The following RALGAPA2 variants were observed in gnomAD, a reference collection of about 807,000 sequenced individuals.
The protein encoded by RALGAPA2 is ral GTPase-activating protein subunit alpha-2.
RALGAPA2 carries 139 observed loss-of-function variants against 230.4 expected under a neutral mutation model. The ratio of observed to expected loss-of-function variants is 0.60; its 90% CI spans 0.53 to 0.69. The LOEUF is 0.69. Ranked by LOEUF, RALGAPA2 falls within the 30% of genes least tolerant of loss-of-function variation. The probability of loss-of-function intolerance (pLI) is 0.00; values close to 1 mark genes in which losing one functional copy is unlikely to be tolerated. For synonymous variants in RALGAPA2, 847 were observed against 837.8 expected (o/e 1.01, Z -0.19); for missense variants, 2,163 against 2,276.0 (o/e 0.95, Z 1.01).
In RALGAPA2 at chr20:20,535,794, T is replaced by C. The variant is rs2063481457; in HGVS notation, c.3424A>G (p.Ile1142Val). The C allele has an allele frequency of 6.5e-7, 1 of 1,547,468 alleles. No homozygotes were observed. Among genetic ancestry groups the C allele is most frequent in the East Asian group, 2.5e-5 (1 of 40,816 alleles). The change falls in exon 26 of 40, where the codon ATA (isoleucine) becomes GTA (valine). Residue 1142 changes from isoleucine (I) to valine (V), a missense_variant. Transcript: ENST00000202677. ...TGTEDVKHYL[I>V]NILLKNATEE... The stretch of plus-strand genomic sequence containing the variant: ...GTGGCATTCTTCAGTAAAATATTTA[T>C]GAGGTAATGCTAAAAACACAAAATT...
At chr20:20,556,711 T>TA (rs143022004) in intron 23 of RALGAPA2, among the ~76,000 whole-genome samples, 4,965 of 152,260 alleles carry the variant, frequency 0.033, 99 homozygotes, top group South Asian at 0.061. Flanking sequence ...GACACATGTG[T>TA]AAGGTGCTCT....
At chr20:20,525,666 G>C (rs891300917) in intron 28 of RALGAPA2, among the ~76,000 whole-genome samples, 2 of 152,172 alleles carry the variant, frequency 1.3e-5, no homozygotes, top group Non-Finnish European at 1.5e-5. Flanking sequence ...GGACACCTAC[G>C]GGAGTGAAGC....
At chr20:20,580,021 A>C (rs1307058696) in intron 20 of RALGAPA2, among the ~76,000 whole-genome samples, 1 of 152,164 alleles carries the variant, frequency 6.6e-6, no homozygotes, top group Non-Finnish European at 1.5e-5. Context: ...TGTCCTTTTT[A>C]TAAGCTCTTA....
intron 37 of RALGAPA2, among the ~76,000 whole-genome samples, chr20:20,423,882 C>T (rs181364172): frequency 6.6e-6 from 1 of 152,160 alleles, no homozygotes; most frequent in Non-Finnish European, 1.5e-5. Flanking sequence ...CCTAATGATA[C>T]ACTCCTGGAG....
At chr20:20,625,810 G>T (rs1179274405) in intron 10 of RALGAPA2, among the ~76,000 whole-genome samples, 1 of 152,178 alleles carries the variant, frequency 6.6e-6, no homozygotes, top group African/African-American at 2.4e-5. Flanking sequence ...CAGTGACCAG[G>T]ACTGCCTACA....
chr20:20,692,687 A>C (rs2068956843), intron 1 of RALGAPA2, among the ~76,000 whole-genome samples: 1 of 152,196 alleles, frequency 6.6e-6, no homozygotes, highest in South Asian at 2.1e-4. Context: ...GATTTTAAGG[A>C]AGAAGTGTGC....
chr20:20,394,881 T>C (rs1422494404), intron 39 of RALGAPA2, among the ~76,000 whole-genome samples: 2 of 2,572 alleles, frequency 7.8e-4, no homozygotes, highest in African/African-American at 1.4e-3. Context: ...TTGATTCTAA[T>C]AAATAAGCAA....
At chr20:20,640,047 A>G in intron 6 of RALGAPA2, 147 bp from the exon 7 acceptor site, 2 of 617,560 alleles carry the variant, frequency 3.2e-6, no homozygotes, top group Non-Finnish European at 5.7e-6. Flanking sequence ...GGCAGTGTGC[A>G]TAAAGGGCCT....
At chr20:20,547,817 A>T (rs1375189305) in intron 23 of RALGAPA2, among the ~76,000 whole-genome samples, 1 of 152,214 alleles carries the variant, frequency 6.6e-6, no homozygotes, top group Non-Finnish European at 1.5e-5. Flanking sequence ...TCATCTTGTG[A>T]ACATCATAGA....
In RALGAPA2 at chr20:20,637,472, C is replaced by G; in HGVS notation, c.696G>C (p.Glu232Asp). The G allele has an allele frequency of 6.4e-7, 1 of 1,569,410 alleles. No individual in the cohort carries two copies. The highest frequency in any genetic ancestry group is 8.7e-7 in the Non-Finnish European group (1 of 1,155,364). Residue 232 changes from glutamate to aspartate, a missense_variant, in exon 8 of 40, where the codon GAG (glutamate) becomes GAC (aspartate). Coordinates refer to ENST00000202677, the MANE Select transcript of RALGAPA2 (RefSeq NM_020343.4). The part of the protein sequence containing the change: ...QAASLEWKNK[E>D]NQDTGFKFLF... ...GAAATTTAAAACCAGTATCTTGATTCTCCTTATTCTTCCACTCCAAGCTCG... is the reference window on the plus strand; with the variant it reads ...GAAATTTAAAACCAGTATCTTGATTGTCCTTATTCTTCCACTCCAAGCTCG...
chr20:20,573,005 T>C lies in RALGAPA2; in HGVS notation c.2771A>G (p.His924Arg), dbSNP rs200355019. 4 of 1,610,584 alleles carry C rather than the reference T, an allele frequency of 2.5e-6. No homozygotes were observed. The highest frequency in any genetic ancestry group is 3.4e-6 in the Non-Finnish European group (4 of 1,178,488). Residue 924 changes from histidine to arginine, a missense_variant, in exon 21 of 40, where the codon CAC (histidine) becomes CGC (arginine). Coordinates refer to ENST00000202677, the MANE Select transcript of RALGAPA2 (RefSeq NM_020343.4). ...IIAGGSLTGW[H>R]PDSAAVLWRR... ...CCATAACACAGCAGCAGAGTCTGGG[T>C]GCCAACCAGTGAGGCTCCCCCCGGC...
rs1336528269 is a variant in RALGAPA2, at chr20:20,495,103, C to T, written c.5367+14G>A. 6.3e-7 allele frequency: 1 copy of T among 1,587,460 alleles called. No individual in the cohort carries two copies. The highest frequency in any genetic ancestry group is 1.7e-5 in the Admixed American group (1 of 59,338). ...TGCTTTATGAGTCAGTACAACAATG[C>T]AATGAAAACGTACCTCAGGTTTCTT... On this transcript the variant is annotated intron_variant, in intron 36 of 39. Coordinates refer to ENST00000202677, the MANE Select transcript of RALGAPA2 (RefSeq NM_020343.4).
intron 36 of RALGAPA2, among the ~76,000 whole-genome samples, chr20:20,474,667 C>G (rs1379442567): frequency 6.6e-6 from 1 of 152,146 alleles, no homozygotes; most frequent in African/African-American, 2.4e-5. Context: ...AAGGATGATG[C>G]CACAGTTTCT....
rs947177276 is a variant in RALGAPA2, at chr20:20,712,184, C to T, written c.106+191G>A. 1.3e-5 allele frequency among the ~76,000 whole-genome samples: 2 copies of T among 152,104 alleles called. No individual in the cohort carries two copies. Among genetic ancestry groups the T allele is most frequent in the African/African-American group, 4.8e-5 (2 of 41,434 alleles). ...TAACTCGAGGGCGACGGGAGCAGTGCCCGAGGGCCAGGCTGCGGCTTTCTG... is the reference window on the plus strand; with the variant it reads ...TAACTCGAGGGCGACGGGAGCAGTGTCCGAGGGCCAGGCTGCGGCTTTCTG... On this transcript the variant is annotated intron_variant, in intron 1 of 39. Transcript: ENST00000202677. The surrounding 1 kb of genome is among the most constrained non-coding windows in gnomAD (Gnocchi z 5.5).
chr20:20,543,735 C>T (rs531248080), intron 24 of RALGAPA2, among the ~76,000 whole-genome samples: 12 of 151,914 alleles, frequency 7.9e-5, no homozygotes, highest in African/African-American at 1.9e-4. Flanking sequence ...TGTCGTGGGG[C>T]GGGGGGAGCG....
intron 38 of RALGAPA2, among the ~76,000 whole-genome samples, chr20:20,405,315 C>T (rs564473583): frequency 1.3e-5 from 2 of 152,268 alleles, no homozygotes; most frequent in East Asian, 1.9e-4. Flanking sequence ...GTGTGGCTCA[C>T]GAGTGTCTGC....
At chr20:20,402,885 G>A (rs1410654453) in intron 38 of RALGAPA2, among the ~76,000 whole-genome samples, 1 of 152,082 alleles carries the variant, frequency 6.6e-6, no homozygotes, top group East Asian at 1.9e-4. Context: ...CTGCCCGTAA[G>A]GCCACTCTGA....
chr20:20,611,274 T>A, intron 14 of RALGAPA2, 41 bp downstream of exon 14: 1 of 1,554,030 alleles, frequency 6.4e-7, no homozygotes, highest in Non-Finnish European at 8.7e-7. Context: ...AAAATCTGAT[T>A]CATTTCTTGC....
intron 2 of RALGAPA2, among the ~76,000 whole-genome samples, chr20:20,677,423 C>T (rs1435949944): frequency 2.0e-5 from 3 of 152,082 alleles, no homozygotes; most frequent in African/African-American, 4.8e-5. Context: ...ATGCAAAGTC[C>T]GTGTAGCTCA....
Sources: gnomAD v4.1 joint callset for allele counts (sites outside exome capture counted in the v4.1 genomes callset) on GRCh38, gnomAD v4.1.1 for gene constraint, Gnocchi (gnomAD v3.1) non-coding constraint, MANE v1.5 for transcripts, NCBI Gene and HGNC (gene_info 2026-07-23, HGNC 2026-07-21) for gene names.